Variants in FSIP1 observed in about 807,000 individuals in gnomAD.
FSIP1 encodes fibrous sheath-interacting protein 1.
Under a neutral mutation model 60.9 loss-of-function variants are expected in FSIP1, and 65 were observed. The ratio of observed to expected loss-of-function variants is 1.07; its 90% CI spans 0.87 to 1.31. FSIP1 has a LOEUF of 1.31. Ranked by LOEUF, FSIP1 falls within the 40% of genes most tolerant of loss-of-function variation. FSIP1 has a pLI of 0.00. For synonymous variants in FSIP1, 209 were observed against 221.2 expected (o/e 0.94, Z 0.49); for missense variants, 675 against 665.5 (o/e 1.01, Z -0.16).
intron 10 of FSIP1, among the ~76,000 whole-genome samples, chr15:39,689,334 G>A (rs1894506470): frequency 6.6e-6 from 1 of 152,102 alleles, no homozygotes; most frequent in South Asian, 2.1e-4. Flanking sequence ...TCATTATATA[G>A]GCATGATTGA....
chr15:39,759,309 A>G (rs1897409890), intron 5 of FSIP1, among the ~76,000 whole-genome samples: 1 of 152,216 alleles, frequency 6.6e-6, no homozygotes, highest in Non-Finnish European at 1.5e-5. Flanking sequence ...AGACTAAGAC[A>G]TGAGTAGGTA....
chr15:39,751,845 G>T (rs926627573), intron 5 of FSIP1, among the ~76,000 whole-genome samples: 1 of 151,718 alleles, frequency 6.6e-6, no homozygotes, highest in African/African-American at 2.4e-5. Context: ...AGAGGAAATG[G>T]GTAACTATGT....
intron 10 of FSIP1, among the ~76,000 whole-genome samples, chr15:39,685,206 C>A (rs1174765862): frequency 2.0e-5 from 3 of 152,068 alleles, no homozygotes; most frequent in African/African-American, 7.2e-5. Flanking sequence ...AAGAGCCCTC[C>A]TGAACTTTCT....
At chr15:39,670,451 A>C (rs979754789) in intron 10 of FSIP1, among the ~76,000 whole-genome samples, 5 of 151,972 alleles carry the variant, frequency 3.3e-5, no homozygotes. Flanking sequence ...TGCAAACAAA[A>C]GATTCATGAT....
chr15:39,639,149 C>T (rs1423028394), intron 10 of FSIP1, among the ~76,000 whole-genome samples: 1 of 152,184 alleles, frequency 6.6e-6, no homozygotes, highest in Non-Finnish European at 1.5e-5. Flanking sequence ...TGGTTCCCAA[C>T]TAACACCAAA....
chr15:39,664,804 G>A (rs776671017), intron 10 of FSIP1, among the ~76,000 whole-genome samples: 18 of 152,124 alleles, frequency 1.2e-4, no homozygotes, highest in African/African-American at 3.6e-4. Flanking sequence ...ATGTGCTGTC[G>A]ACCTTCCTCA....
At chr15:39,778,919 GAT>G (rs1898153713) in intron 1 of FSIP1, among the ~76,000 whole-genome samples, 1 of 152,036 alleles carries the variant, frequency 6.6e-6, no homozygotes, top group Non-Finnish European at 1.5e-5. Flanking sequence ...TAAATGTAAA[GAT>G]AAATTTCATA....
At chr15:39,746,264 G>A (rs778702538) in intron 5 of FSIP1, among the ~76,000 whole-genome samples, 4 of 151,980 alleles carry the variant, frequency 2.6e-5, no homozygotes, top group Non-Finnish European at 5.9e-5. Flanking sequence ...AACAGCGCAG[G>A]GGCAGACTTA....
intron 10 of FSIP1, among the ~76,000 whole-genome samples, chr15:39,634,905 T>G (rs192821016): frequency 4.2e-4 from 64 of 152,222 alleles, no homozygotes; most frequent in Admixed American, 2.7e-3. Context: ...TGGTGCCCTG[T>G]GTGAAACCTT....
At chr15:39,661,514 T>C (rs1033221777) in intron 10 of FSIP1, among the ~76,000 whole-genome samples, 1 of 152,228 alleles carries the variant, frequency 6.6e-6, no homozygotes, top group East Asian at 1.9e-4. Flanking sequence ...ATGAATTATA[T>C]GAAAATTAGA....
intron 10 of FSIP1, among the ~76,000 whole-genome samples, chr15:39,677,129 G>A (rs1017940202): frequency 1.3e-5 from 2 of 152,104 alleles, no homozygotes. Flanking sequence ...TAAGGATATC[G>A]AAATGAATTA....
rs185822500 is a variant in FSIP1 at position 39,685,543 on chromosome 15, A to T, written c.1188+27901T>A. ...CCCTCCAGGAATTCTGGTCCTTCTTAAGATCTCTATCACTAATTGTTTTGG... is the reference window on the plus strand; with the variant it reads ...CCCTCCAGGAATTCTGGTCCTTCTTTAGATCTCTATCACTAATTGTTTTGG... On this transcript the variant is annotated intron_variant, in intron 10 of 11. Coordinates refer to ENST00000350221, the MANE Select transcript of FSIP1 (RefSeq NM_152597.5). Among the ~76,000 whole-genome samples, 51 of 152,308 alleles carry T rather than the reference A, an allele frequency of 3.3e-4. No homozygotes were observed. In the East Asian group the frequency reaches 8.1e-3, roughly 24 times the overall value.
chr15:39,608,898 T>C (rs1238598442), intron 11 of FSIP1, among the ~76,000 whole-genome samples: 1 of 152,084 alleles, frequency 6.6e-6, no homozygotes, highest in Non-Finnish European at 1.5e-5. Flanking sequence ...GTAAGTGGAA[T>C]AGAGGAATGG....
At chr15:39,664,366 A>T (rs1893414435) in intron 10 of FSIP1, among the ~76,000 whole-genome samples, 1 of 152,150 alleles carries the variant, frequency 6.6e-6, no homozygotes, top group African/African-American at 2.4e-5. Context: ...TAAAAGAAAA[A>T]TTTAAGTTCC....
chr15:39,652,879 T>C (rs1430080682), intron 10 of FSIP1, among the ~76,000 whole-genome samples: 1 of 152,056 alleles, frequency 6.6e-6, no homozygotes, highest in African/African-American at 2.4e-5. Flanking sequence ...AAAAATATTT[T>C]TTTAACGGTA....
intron 10 of FSIP1, among the ~76,000 whole-genome samples, chr15:39,638,830 G>A (rs141586159): frequency 1.7e-4 from 25 of 150,818 alleles, no homozygotes; most frequent in East Asian, 7.7e-4. Context: ...GTGTGTGCGC[G>A]TGTGTGTGTG....
intron 10 of FSIP1, among the ~76,000 whole-genome samples, chr15:39,652,306 A>G (rs1892903114): frequency 1.3e-5 from 2 of 152,252 alleles, no homozygotes; most frequent in South Asian, 4.1e-4. Context: ...ATTTACTTAG[A>G]TAAATGCTTT....
At chr15:39,647,795 TAAATGTTCTAAC>T (rs1566867940) in intron 10 of FSIP1, among the ~76,000 whole-genome samples, 1 of 152,200 alleles carries the variant, frequency 6.6e-6, no homozygotes, top group Non-Finnish European at 1.5e-5. Context: ...GGTCTATGTT[TAAATGTTCTAAC>T]AAAATCTACT....
intron 10 of FSIP1, among the ~76,000 whole-genome samples, chr15:39,619,401 G>C (rs1248509559): frequency 6.6e-6 from 1 of 152,108 alleles, no homozygotes; most frequent in Non-Finnish European, 1.5e-5. Flanking sequence ...AAATTGTCTG[G>C]AAATATATTC....
Sources: allele counts gnomAD v4.1 joint callset (sites outside exome capture counted in the v4.1 genomes callset), GRCh38; gene constraint gnomAD v4.1.1; transcripts MANE v1.5; gene names NCBI Gene and HGNC (gene_info 2026-07-23, HGNC 2026-07-21).